The following FREM2 variants were observed in gnomAD, a reference collection of about 807,000 sequenced individuals.
FREM2 encodes FRAS1-related extracellular matrix protein 2.
In FREM2, 119 loss-of-function variants were observed where a neutral mutation model predicts 219.9. The observed-to-expected ratio is 0.54, with a 90% CI of 0.47 to 0.63. The LOEUF (loss-of-function observed/expected upper bound fraction) is 0.63. Among genes scored for constraint, FREM2 ranks in the 30% least tolerant of loss-of-function variants. The pLI, the probability that FREM2 is intolerant of heterozygous loss-of-function variation, is 0.00. For synonymous variants in FREM2, 1,562 were observed against 1,522.8 expected (o/e 1.03, Z -0.60); for missense variants, 4,030 against 3,993.6 (o/e 1.01, Z -0.25).
chr13:38,759,992 A>G (rs1271440975), intron 2 of FREM2, among the ~76,000 whole-genome samples: 5 of 152,228 alleles, frequency 3.3e-5, no homozygotes, highest in East Asian at 3.8e-4. Context: ...TCAAATCTCT[A>G]TATCACTCTT....
chr13:38,734,325 G>C (rs560638860), intron 2 of FREM2, among the ~76,000 whole-genome samples: 1 of 152,150 alleles, frequency 6.6e-6, no homozygotes, highest in Non-Finnish European at 1.5e-5. Flanking sequence ...GGAGGCATAG[G>C]ACAATATGAG....
chr13:38,876,988 AG>A, intron 20 of FREM2, 128 bp from the exon 21 acceptor site: 1 of 1,072,770 alleles, frequency 9.3e-7, no homozygotes, highest in Non-Finnish European at 1.4e-6. Flanking sequence ...TTAGCTTGGT[AG>A]GGTGTGAAAA....
chr13:38,859,629 A>G (rs762627680), intron 14 of FREM2, 39 bp downstream of exon 14: 80 of 1,549,214 alleles, frequency 5.2e-5, no homozygotes, highest in Non-Finnish European at 6.2e-5. Flanking sequence ...TCACTGGAAT[A>G]CTGTGCAATA....
At chr13:38,837,642 A>G (rs1212674104) in intron 6 of FREM2, among the ~76,000 whole-genome samples, 1 of 152,118 alleles carries the variant, frequency 6.6e-6, no homozygotes, top group Non-Finnish European at 1.5e-5. Context: ...GTGCATATAT[A>G]TTTAGGATAG....
intron 6 of FREM2, among the ~76,000 whole-genome samples, chr13:38,810,807 G>C (rs1461763081): frequency 6.6e-6 from 1 of 151,782 alleles, no homozygotes; most frequent in Non-Finnish European, 1.5e-5. Flanking sequence ...TCTGACTTTG[G>C]TATCAGGATA....
At chr13:38,742,580 C>T (rs1036461131) in intron 2 of FREM2, among the ~76,000 whole-genome samples, 3 of 152,176 alleles carry the variant, frequency 2.0e-5, no homozygotes, top group African/African-American at 7.2e-5. Context: ...ATTTACTTTC[C>T]AGATTTCAAA....
chr13:38,826,115 G>A (rs1172121058), intron 6 of FREM2, among the ~76,000 whole-genome samples: 3 of 152,000 alleles, frequency 2.0e-5, no homozygotes, highest in African/African-American at 7.2e-5. Context: ...TTCCAATAAA[G>A]ACTGCAGGAA....
chr13:38,822,538 T>A (rs1198831232), intron 6 of FREM2, among the ~76,000 whole-genome samples: 1 of 151,892 alleles, frequency 6.6e-6, no homozygotes, highest in Non-Finnish European at 1.5e-5. Context: ...TGCCTGTGGG[T>A]CTAGCGTGCA....
At chr13:38,817,413 A>G (rs1269707643) in intron 6 of FREM2, among the ~76,000 whole-genome samples, 1 of 152,164 alleles carries the variant, frequency 6.6e-6, no homozygotes, top group African/African-American at 2.4e-5. Context: ...AAATTTACAC[A>G]CCTACAACCA....
intron 2 of FREM2, among the ~76,000 whole-genome samples, chr13:38,758,023 T>C (rs1774244572): frequency 6.6e-6 from 1 of 152,192 alleles, no homozygotes; most frequent in African/African-American, 2.4e-5. Flanking sequence ...AGAACAATTA[T>C]CATAAGCAGC....
intron 1 of FREM2, among the ~76,000 whole-genome samples, chr13:38,694,959 G>A (rs1870043508): frequency 1.3e-5 from 2 of 152,138 alleles, no homozygotes; most frequent in South Asian, 4.1e-4. Flanking sequence ...TGAACCAGAT[G>A]TGGCTGCCTG....
At chr13:38,865,893 TC>T (rs1877945141) in intron 16 of FREM2, among the ~76,000 whole-genome samples, 1 of 152,198 alleles carries the variant, frequency 6.6e-6, no homozygotes, top group Non-Finnish European at 1.5e-5. Context: ...TAAGTGTTCA[TC>T]CTGTAGATTC....
At chr13:38,741,278 A>T (rs1227920936) in intron 2 of FREM2, among the ~76,000 whole-genome samples, 1 of 152,152 alleles carries the variant, frequency 6.6e-6, no homozygotes, top group Non-Finnish European at 1.5e-5. Context: ...TCAGTCAGGG[A>T]ACCAGTGTTA....
chr13:38,778,375 A>G (rs1474428525), intron 4 of FREM2, among the ~76,000 whole-genome samples: 3 of 152,226 alleles, frequency 2.0e-5, no homozygotes, highest in South Asian at 4.1e-4. Flanking sequence ...CTGAGTCTTC[A>G]AAAGACGTTT....
In FREM2 at chr13:38,885,196, C is replaced by A. The variant is rs1878685904; in HGVS notation, c.*4409C>A. ...TCTATAGTTTCCATCAGGAAGAGTA[C>A]ATCAGAAACTTCTCCATAAGGAAAG... On this transcript the variant is annotated 3_prime_UTR_variant, in exon 24 of 24. Coordinates refer to ENST00000280481, the MANE Select transcript of FREM2 (RefSeq NM_207361.6). 6.6e-6 allele frequency: 1 copy of A among 152,064 alleles called. No individual in the cohort carries two copies. The highest frequency in any genetic ancestry group is 1.5e-5 in the Non-Finnish European group (1 of 67,980). The allele number at this position is 152,064 out of a possible 1,614,324, so 9.4% of individuals were successfully genotyped here. A position where few individuals can be genotyped will look rare whatever the true frequency, so the allele number is the denominator to read the frequency against.
chr13:38,752,927 C>T (rs1403354673), intron 2 of FREM2, among the ~76,000 whole-genome samples: 1 of 152,138 alleles, frequency 6.6e-6, no homozygotes, highest in Non-Finnish European at 1.5e-5. Context: ...TCTGGCGCCA[C>T]AAAAGGAATT....
At chr13:38,832,399 A>G (rs1876544423) in intron 6 of FREM2, among the ~76,000 whole-genome samples, 1 of 152,180 alleles carries the variant, frequency 6.6e-6, no homozygotes, top group Admixed American at 6.6e-5. Flanking sequence ...TGCAAAAGGA[A>G]TCAATGCTAC....
Position 38,880,814 on chromosome 13 carries a change from C to T in FREM2, c.*27C>T. ...GACTGCAGGTAGAATTCAACCTTTT[C>T]CGTAAGTGCCTCGGAAAAGATCACA... On this transcript the variant is annotated 3_prime_UTR_variant, in exon 24 of 24. Coordinates refer to ENST00000280481, the MANE Select transcript of FREM2 (RefSeq NM_207361.6). The T allele has an allele frequency of 6.2e-7, 1 of 1,613,274 alleles. No individual in the cohort carries two copies. Among genetic ancestry groups the T allele is most frequent in the South Asian group, 1.1e-5 (1 of 91,024 alleles).
intron 6 of FREM2, among the ~76,000 whole-genome samples, chr13:38,799,105 G>A (rs2137847990): frequency 6.6e-6 from 1 of 151,992 alleles, no homozygotes; most frequent in South Asian, 2.1e-4. Context: ...TTTCGATGTA[G>A]GCATTTATTG....
Sources: allele counts gnomAD v4.1 joint callset (sites outside exome capture counted in the v4.1 genomes callset), GRCh38; gene constraint gnomAD v4.1.1; transcripts MANE v1.5; gene names NCBI Gene and HGNC (gene_info 2026-07-23, HGNC 2026-07-21).